Variants in POLR1C observed in about 807,000 individuals in gnomAD.
POLR1C encodes RNA polymerase I and III subunit C.
In POLR1C, 42 loss-of-function variants were observed where a neutral mutation model predicts 38.3. That is an observed-to-expected ratio of 1.10 (90% CI 0.86 to 1.42). The LOEUF (loss-of-function observed/expected upper bound fraction) is 1.42, where lower values mean the gene tolerates loss of function less well. Ranked by LOEUF, POLR1C falls within the 40% of genes most tolerant of loss-of-function variation. The pLI is 0.00. For synonymous variants in POLR1C, 163 were observed against 163.9 expected (o/e 0.99, Z 0.04); for missense variants, 507 against 450.5 (o/e 1.13, Z -1.14).
chr6:43,553,580 C>A, intron 10 of POLR1C: 1 of 1,500,096 alleles, frequency 6.7e-7, no homozygotes, highest in Non-Finnish European at 8.9e-7. Context: ...GCAGAAGACA[C>A]AGAGAGACAA....
chr6:43,525,187 C>T, downstream of POLR1C: 1 of 1,581,874 alleles, frequency 6.3e-7, no homozygotes, highest in Non-Finnish European at 8.6e-7. Context: ...GAATTGAAGG[C>T]TGTAATTAAT....
downstream of POLR1C, chr6:43,525,039 ATGAT>A (rs766775038): frequency 5.4e-5 from 86 of 1,585,310 alleles, no homozygotes; most frequent in Non-Finnish European, 6.9e-5. Flanking sequence ...GTTCTTCTGA[ATGAT>A]TTAGTCAGTC....
intron 2 of POLR1C, 198 bp from the exon 3 acceptor site, chr6:43,519,135 T>C: frequency 1.6e-6 from 1 of 628,332 alleles, no homozygotes; most frequent in South Asian, 1.8e-5. Context: ...AGGGTTTTAA[T>C]GAATGGACGA....
At chr6:43,520,529 C>G (rs1292876185) in intron 6 of POLR1C, 96 bp from the exon 7 acceptor site, 6 of 1,600,534 alleles carry the variant, frequency 3.7e-6, no homozygotes, top group East Asian at 4.5e-5. Flanking sequence ...GGTAGAAAGC[C>G]AAGAGGGTTG....
chr6:43,541,005 AAGAC>A (rs1794662971), intron 9 of POLR1C, among the ~76,000 whole-genome samples: 1 of 152,194 alleles, frequency 6.6e-6, no homozygotes, highest in African/African-American at 2.4e-5. Context: ...CAGGCACAGA[AAGAC>A]ACATCACATG....
At chr6:43,551,160 G>T in intron 10 of POLR1C, 1 of 824,472 alleles carries the variant, frequency 1.2e-6, no homozygotes, top group Non-Finnish European at 1.8e-6. Context: ...GAAGGGTGAG[G>T]TGTGAGGATC....
At chr6:43,518,721 T>C (rs1582179813) in intron 2 of POLR1C, among the ~76,000 whole-genome samples, 1 of 152,212 alleles carries the variant, frequency 6.6e-6, no homozygotes, top group South Asian at 2.1e-4. Context: ...GGCACTCTTA[T>C]GTCCCAGGCT....
chr6:43,545,660 T>C (rs1275949781), intron 9 of POLR1C, among the ~76,000 whole-genome samples: 2 of 151,952 alleles, frequency 1.3e-5, no homozygotes, highest in Non-Finnish European at 2.9e-5. Flanking sequence ...TGAGCCAAGA[T>C]TGCACCACTG....
chr6:43,524,396 C>A, downstream of POLR1C: 1 of 1,448,878 alleles, frequency 6.9e-7, no homozygotes, highest in Non-Finnish European at 9.3e-7. Context: ...TCAATAACTA[C>A]AGCTGGTTTA....
chr6:43,531,572 A>G, downstream of POLR1C: 3 of 1,613,330 alleles, frequency 1.9e-6, no homozygotes, highest in Non-Finnish European at 2.5e-6. Flanking sequence ...AGGTTGAGGT[A>G]ATCCTACAGG....
At chr6:43,524,994 C>A (rs1292387337), downstream of POLR1C, 5 of 1,609,024 alleles carry the variant, frequency 3.1e-6, no homozygotes, top group East Asian at 1.1e-4. Flanking sequence ...TGCTTTAGGG[C>A]CACAGGGGGC....
chr6:43,527,563 G>A, intron 8 of POLR1C: 1 of 1,497,728 alleles, frequency 6.7e-7, no homozygotes, highest in Non-Finnish European at 9.3e-7. Flanking sequence ...AGGCCTTCAT[G>A]GAGTTGGCTG....
chr6:43,527,015 C>T (rs2127701048), intron 8 of POLR1C: 1 of 418,244 alleles, frequency 2.4e-6, no homozygotes, highest in South Asian at 3.6e-5. Flanking sequence ...TTGATACATC[C>T]CTGGTCTACT....
intron 8 of POLR1C, chr6:43,527,305 C>A: frequency 4.5e-6 from 1 of 220,464 alleles, no homozygotes; most frequent in South Asian, 7.3e-5. Context: ...CGGAGTTTCA[C>A]TCTTTTGCCA....
chr6:43,558,432 C>T (rs1762230505), intron 10 of POLR1C: 3 of 1,370,990 alleles, frequency 2.2e-6, no homozygotes, highest in African/African-American at 2.9e-5. Context: ...AAACACCATG[C>T]ACCATGATTC....
At chr6:43,529,317 T>A in exon 9 of POLR1C, 1 of 807,708 alleles carries the variant, frequency 1.2e-6, no homozygotes, top group Non-Finnish European at 1.8e-6. Context: ...CCAAGGCGAG[T>A]GGATCACGGG....
At chr6:43,547,279 C>A in intron 9 of POLR1C, 1 of 411,350 alleles carries the variant, frequency 2.4e-6, no homozygotes, top group Non-Finnish European at 4.6e-6. Flanking sequence ...TCACTTAAGA[C>A]TTTACATGCC....
At chr6:43,531,073 A>G (rs1383339429), downstream of POLR1C, among the ~76,000 whole-genome samples, 1 of 152,244 alleles carries the variant, frequency 6.6e-6, no homozygotes, top group African/African-American at 2.4e-5. Context: ...TTGGCTGATT[A>G]GTGTAGTGGT....
At position 43,562,325 on chromosome 6, in the gene POLR1C, C is replaced by A. The variant is rs1298060115; in HGVS notation, c.*974C>A. ...TCAGAAAGACGTAGTGTTTTTCTAC[C>A]AAACCTCCTCCATCAGCAGTCCTGT... On this transcript the variant is annotated 3_prime_UTR_variant, in exon 11 of 11. Transcript: ENST00000607635. 5 of 1,608,526 alleles carry A rather than the reference C, an allele frequency of 3.1e-6. No individual in the cohort carries two copies. Among genetic ancestry groups the A allele is most frequent in the Non-Finnish European group, 4.2e-6 (5 of 1,177,590 alleles).
Sources: allele counts gnomAD v4.1 joint callset (sites outside exome capture counted in the v4.1 genomes callset), GRCh38; gene constraint gnomAD v4.1.1; transcripts MANE v1.5; gene names NCBI Gene and HGNC (gene_info 2026-07-23, HGNC 2026-07-21).